Variants in CHKA observed in about 807,000 individuals in gnomAD.
The protein encoded by CHKA is CHETK-alpha.
A neutral mutation model predicts 60.1 loss-of-function variants in CHKA; 34 were observed. The observed-to-expected ratio is 0.57, with a 90% CI of 0.43 to 0.75. The LOEUF (loss-of-function observed/expected upper bound fraction) is 0.75. Ranked by LOEUF, CHKA falls within the 30% of genes least tolerant of loss-of-function variation. The pLI, the probability that CHKA is intolerant of heterozygous loss-of-function variation, is 0.00. For synonymous variants in CHKA, 217 were observed against 223.1 expected, an observed-to-expected ratio of 0.97 and a Z score of 0.24; for missense variants, 563 against 561.3, an observed-to-expected ratio of 1.00 and a Z score of -0.03.
intron 2 of CHKA, among the ~76,000 whole-genome samples, chr11:68,090,210 G>C (rs962972149): frequency 1.3e-5 from 2 of 152,146 alleles, no homozygotes; most frequent in Non-Finnish European, 2.9e-5. Flanking sequence ...AGAAATATTA[G>C]GTTAGACCAA....
intron 11 of CHKA, among the ~76,000 whole-genome samples, chr11:68,061,095 GTTTTTTTTTTTTT>G (rs757176198): frequency 2.4e-4 from 17 of 70,844 alleles, no homozygotes; most frequent in Non-Finnish European, 3.3e-4. Context: ...GTCAGTGACA[GTTTTTTTTTTTTT>G]TTTTTTTTTT....
chr11:68,108,794 G>C (rs866339536), intron 1 of CHKA, among the ~76,000 whole-genome samples: 6 of 152,188 alleles, frequency 3.9e-5, no homozygotes, highest in Admixed American at 6.6e-5. Flanking sequence ...AAATTGGACA[G>C]ACAGACCGGC....
At chr11:68,092,019 G>C (rs986005290) in intron 2 of CHKA, among the ~76,000 whole-genome samples, 2 of 152,114 alleles carry the variant, frequency 1.3e-5, no homozygotes, top group Non-Finnish European at 2.9e-5. Flanking sequence ...TTCAAAGAAG[G>C]AGTGAATTCT....
At chr11:68,088,296 T>C (rs1348751265) in intron 2 of CHKA, among the ~76,000 whole-genome samples, 1 of 152,102 alleles carries the variant, frequency 6.6e-6, no homozygotes, top group Admixed American at 6.6e-5. Context: ...AATAGGAGGA[T>C]ATGGTGCATC....
chr11:68,085,113 TAG>T (rs1368964479), intron 2 of CHKA, among the ~76,000 whole-genome samples: 11 of 152,130 alleles, frequency 7.2e-5, no homozygotes, highest in African/African-American at 2.7e-4. Context: ...AATCTTAAGT[TAG>T]AGTCATATAT....
At chr11:68,109,091 T>TC (rs1228298907) in intron 1 of CHKA, among the ~76,000 whole-genome samples, 1 of 144,478 alleles carries the variant, frequency 6.9e-6, no homozygotes, top group Non-Finnish European at 1.5e-5. Flanking sequence ...TTTTCCTTTT[T>TC]TTTTTTTTTT....
chr11:68,069,077 GAC>G, intron 6 of CHKA, 140 bp from the exon 7 acceptor site: 1 of 622,480 alleles, frequency 1.6e-6, no homozygotes, highest in East Asian at 2.9e-5. Flanking sequence ...TGTGAATTCT[GAC>G]AACTGCGTCA....
intron 1 of CHKA, among the ~76,000 whole-genome samples, chr11:68,105,126 A>G (rs1373188516): frequency 6.6e-6 from 1 of 152,054 alleles, no homozygotes; most frequent in East Asian, 1.9e-4. Context: ...AGATTATTTA[A>G]TGCCTGTTAC....
At chr11:68,054,914 T>C (rs1239918408) in intron 11 of CHKA, among the ~76,000 whole-genome samples, 1 of 152,240 alleles carries the variant, frequency 6.6e-6, no homozygotes, top group Non-Finnish European at 1.5e-5. Flanking sequence ...AATGCCACTA[T>C]ACAATATGCA....
At chr11:68,113,170 T>C (rs1858243342) in intron 1 of CHKA, among the ~76,000 whole-genome samples, 1 of 137,224 alleles carries the variant, frequency 7.3e-6, no homozygotes, top group Admixed American at 7.7e-5. Flanking sequence ...GGCAAGAAGC[T>C]CTGTGGCATG....
chr11:68,079,686 G>A (rs1159641574), intron 3 of CHKA, among the ~76,000 whole-genome samples: 1 of 152,110 alleles, frequency 6.6e-6, no homozygotes, highest in African/African-American at 2.4e-5. Flanking sequence ...TGAAATAAAA[G>A]GTTAAAAATA....
intron 1 of CHKA, among the ~76,000 whole-genome samples, chr11:68,100,889 T>C (rs1857688016): frequency 6.6e-6 from 1 of 150,952 alleles, no homozygotes. Context: ...CAACCCATGA[T>C]TCCTTAAAAC....
chr11:68,098,271 C>CA (rs57972693), intron 1 of CHKA, among the ~76,000 whole-genome samples: 36,588 of 118,416 alleles, frequency 0.31, 4,754 homozygotes, highest in Non-Finnish European at 0.35. Flanking sequence ...ACTCCTATCT[C>CA]AAAAAAAAAA....
At chr11:68,072,889 A>G (rs995184692) in intron 4 of CHKA, among the ~76,000 whole-genome samples, 3 of 152,024 alleles carry the variant, frequency 2.0e-5, no homozygotes, top group Non-Finnish European at 2.9e-5. Flanking sequence ...CAGCTACCTG[A>G]AAGGCTAAGG....
chr11:68,104,386 T>C (rs572321005), intron 1 of CHKA, among the ~76,000 whole-genome samples: 1 of 152,186 alleles, frequency 6.6e-6, no homozygotes, highest in Non-Finnish European at 1.5e-5. Flanking sequence ...ATGGAAGGAA[T>C]AAATTCACCT....
At chr11:68,073,462 T>C (rs889453480) in intron 4 of CHKA, among the ~76,000 whole-genome samples, 1 of 152,156 alleles carries the variant, frequency 6.6e-6, no homozygotes, top group Non-Finnish European at 1.5e-5. Context: ...GAGACCAGCC[T>C]AGCCAACATG....
chr11:68,081,636 C>CA (rs1175939839), intron 2 of CHKA, 179 bp from the exon 3 acceptor site: 3 of 558,920 alleles, frequency 5.4e-6, no homozygotes, highest in Non-Finnish European at 9.7e-6. Context: ...GCACTAGTAC[C>CA]AACACCTTAG....
chr11:68,077,403 A>G (rs1190899082), intron 3 of CHKA, among the ~76,000 whole-genome samples: 2 of 152,152 alleles, frequency 1.3e-5, no homozygotes, highest in Non-Finnish European at 1.5e-5. Flanking sequence ...GAGCATGGTA[A>G]AAAGGGGGCT....
intron 1 of CHKA, among the ~76,000 whole-genome samples, chr11:68,120,519 C>A (rs1858584601): frequency 6.6e-6 from 1 of 152,254 alleles, no homozygotes; most frequent in Non-Finnish European, 1.5e-5. Context: ...AGCGTCAGTA[C>A]CACACGCACT....
Sources: allele counts gnomAD v4.1 joint callset (sites outside exome capture counted in the v4.1 genomes callset), GRCh38; gene constraint gnomAD v4.1.1; transcripts MANE v1.5; gene names NCBI Gene and HGNC (gene_info 2026-07-23, HGNC 2026-07-21).